Variants in ERBB4 observed in about 807,000 individuals in gnomAD.
The protein encoded by ERBB4 is receptor tyrosine-protein kinase erbB-4.
A neutral mutation model predicts 158.0 loss-of-function variants in ERBB4; 42 were observed. The ratio of observed to expected loss-of-function variants is 0.27; its 90% CI spans 0.21 to 0.34. The LOEUF (loss-of-function observed/expected upper bound fraction) is 0.34. Ranked by LOEUF, ERBB4 falls within the 10% of genes least tolerant of loss-of-function variation. The pLI is 1.00. For synonymous variants in ERBB4, 583 were observed against 558.7 expected, an observed-to-expected ratio of 1.04 and a Z score of -0.61; for missense variants, 1,333 against 1,624.1, an observed-to-expected ratio of 0.82 and a Z score of 3.08.
At chr2:212,274,827 G>T (rs1574574509) in intron 1 of ERBB4, among the ~76,000 whole-genome samples, 1 of 151,526 alleles carries the variant, frequency 6.6e-6, no homozygotes, top group Non-Finnish European at 1.5e-5. Context: ...GAACATGCAG[G>T]TTTGTTACAT....
At chr2:211,945,115 G>T (rs1208940048) in intron 3 of ERBB4, among the ~76,000 whole-genome samples, 2 of 152,008 alleles carry the variant, frequency 1.3e-5, no homozygotes, top group Non-Finnish European at 2.9e-5. Flanking sequence ...ACTTAATTAC[G>T]GCACTTATTT....
chr2:211,752,309 T>C (rs983675174), intron 4 of ERBB4, among the ~76,000 whole-genome samples: 1 of 151,974 alleles, frequency 6.6e-6, no homozygotes, highest in African/African-American at 2.4e-5. Context: ...AGAAAGTAGC[T>C]AATGTTAATG....
At chr2:212,083,961 C>T (rs932352759) in intron 2 of ERBB4, among the ~76,000 whole-genome samples, 5 of 148,854 alleles carry the variant, frequency 3.4e-5, no homozygotes, top group African/African-American at 1.2e-4. Context: ...CCTGCCTATT[C>T]TTTGACAATG....
intron 2 of ERBB4, among the ~76,000 whole-genome samples, chr2:212,007,180 CA>C (rs1324239028): frequency 6.6e-6 from 1 of 151,618 alleles, no homozygotes; most frequent in Non-Finnish European, 1.5e-5. Context: ...GAGAAGTTAA[CA>C]AAAGTGGGGT....
chr2:211,586,345 T>A (rs2068277194), intron 19 of ERBB4, among the ~76,000 whole-genome samples: 1 of 151,934 alleles, frequency 6.6e-6, no homozygotes, highest in Non-Finnish European at 1.5e-5. Context: ...GTCAACCAAC[T>A]CAGTTAAGAA....
At chr2:212,018,170 G>A (rs2076569541) in intron 2 of ERBB4, among the ~76,000 whole-genome samples, 1 of 152,118 alleles carries the variant, frequency 6.6e-6, no homozygotes, top group Non-Finnish European at 1.5e-5. Context: ...TTCATTAAAA[G>A]TATAAGTATA....
intron 25 of ERBB4, among the ~76,000 whole-genome samples, chr2:211,404,991 T>C (rs1011109981): frequency 4.6e-5 from 7 of 152,102 alleles, no homozygotes; most frequent in African/African-American, 1.4e-4. Context: ...AATTAGGAAA[T>C]TGGAACTTAA....
At chr2:212,270,586 A>G (rs1207227714) in intron 1 of ERBB4, among the ~76,000 whole-genome samples, 1 of 151,812 alleles carries the variant, frequency 6.6e-6, no homozygotes, top group Non-Finnish European at 1.5e-5. Context: ...GTGAATTGCC[A>G]GAAACGACAC....
intron 4 of ERBB4, among the ~76,000 whole-genome samples, chr2:211,784,017 G>A (rs996217755): frequency 6.6e-6 from 1 of 152,040 alleles, no homozygotes; most frequent in Non-Finnish European, 1.5e-5. Flanking sequence ...TTCATTGGTA[G>A]GCTATTAATT....
At chr2:211,899,189 A>T (rs976858444) in intron 3 of ERBB4, among the ~76,000 whole-genome samples, 4 of 152,162 alleles carry the variant, frequency 2.6e-5, no homozygotes, top group African/African-American at 9.6e-5. Flanking sequence ...TCAAAGTTTT[A>T]TCTAATTTAT....
At chr2:211,930,558 T>C (rs2080145942) in intron 3 of ERBB4, among the ~76,000 whole-genome samples, 1 of 152,148 alleles carries the variant, frequency 6.6e-6, no homozygotes, top group South Asian at 2.1e-4. Flanking sequence ...TCCACTGTTT[T>C]GACAACAGTT....
chr2:212,516,555 A>G (rs890919173), intron 1 of ERBB4, among the ~76,000 whole-genome samples: 1 of 152,108 alleles, frequency 6.6e-6, no homozygotes, highest in African/African-American at 2.4e-5. Flanking sequence ...CTCTTCCAGC[A>G]AACAGTCCCA....
At chr2:211,546,745 A>G (rs909531246) in intron 20 of ERBB4, among the ~76,000 whole-genome samples, 2 of 152,096 alleles carry the variant, frequency 1.3e-5, no homozygotes, top group Admixed American at 6.6e-5. Context: ...TTTTTGTACA[A>G]ATCCATAGAG....
At chr2:211,841,866 T>A (rs1038516541) in intron 3 of ERBB4, among the ~76,000 whole-genome samples, 1 of 152,094 alleles carries the variant, frequency 6.6e-6, no homozygotes, top group African/African-American at 2.4e-5. Context: ...TGGGAACTTG[T>A]AGCCTAGTGA....
At chr2:211,429,202 A>C (rs2063699560) in intron 21 of ERBB4, among the ~76,000 whole-genome samples, 1 of 152,120 alleles carries the variant, frequency 6.6e-6, no homozygotes, top group Non-Finnish European at 1.5e-5. Context: ...TTTCTCAAAA[A>C]ATGAGATTTG....
At chr2:212,001,943 A>T (rs1380090127) in intron 2 of ERBB4, among the ~76,000 whole-genome samples, 2 of 152,220 alleles carry the variant, frequency 1.3e-5, no homozygotes, top group African/African-American at 4.8e-5. Context: ...TGACCATTAA[A>T]TTACACAAAC....
At chr2:211,653,484 CCCACGCCCGCCCCGCT>C (rs2071086261) in intron 16 of ERBB4, among the ~76,000 whole-genome samples, 1 of 148,244 alleles carries the variant, frequency 6.7e-6, no homozygotes, top group Non-Finnish European at 1.5e-5. Context: ...CCCGCCCCCC[CCCACGCCCGCCCCGCT>C]GGTTTGGGAA....
At chr2:212,164,318 G>A (rs541826989) in intron 1 of ERBB4, among the ~76,000 whole-genome samples, 1 of 151,830 alleles carries the variant, frequency 6.6e-6, no homozygotes, top group Non-Finnish European at 1.5e-5. Context: ...AAAATATAAA[G>A]TATCGAAAAC....
intron 2 of ERBB4, among the ~76,000 whole-genome samples, chr2:211,957,978 A>G (rs1338227957): frequency 1.3e-5 from 2 of 152,076 alleles, no homozygotes; most frequent in African/African-American, 4.8e-5. Context: ...TATGGGAAAT[A>G]CCCTTTGAGG....
Sources: allele counts gnomAD v4.1 joint callset (sites outside exome capture counted in the v4.1 genomes callset), GRCh38; gene constraint gnomAD v4.1.1; transcripts MANE v1.5; gene names NCBI Gene and HGNC (gene_info 2026-07-23, HGNC 2026-07-21).